TULP4: variants seen among roughly 807,000 people sequenced by gnomAD.
TULP4 encodes the protein TUB like protein 4, also known as tubby-related protein 4.
TULP4 carries 16 observed loss-of-function variants against 129.0 expected under a neutral mutation model. The observed-to-expected ratio is 0.12, with a 90% confidence interval of 0.08 to 0.19. The LOEUF (loss-of-function observed/expected upper bound fraction) is 0.19. Ranked by LOEUF, TULP4 falls within the 10% of genes least tolerant of loss-of-function variation. TULP4 has a pLI of 1.00. For missense variants in TULP4, 1,842 were observed against 2,059.1 expected (o/e 0.89, Z 2.04); for synonymous variants, 998 against 854.0 (o/e 1.17, Z -2.94).
chr6:158,503,175 C>T lies in TULP4; in HGVS notation c.3512C>T (p.Pro1171Leu), dbSNP rs182840540. 2.5e-6 allele frequency: 4 copies of T among 1,613,772 alleles called. No individual in the cohort carries two copies. Among genetic ancestry groups the T allele is most frequent in the African/African-American group, 1.3e-5 (1 of 75,010 alleles). ...LDVSRLPFIS[P>L]KSPASPTATF... ...GTGTCCCGACTGCCCTTCATCTCCC[C>T]CAAGTCTCCTGCCAGCCCCACTGCC... The change falls in exon 13 of 14, where the codon CCC becomes CTC. Residue 1171 changes from proline (P) to leucine (L), a missense_variant. By Grantham distance (98) the Pro-to-Leu change is moderately conservative. This residue lies in a region of TULP4 where 1,089 missense variants were observed against 987.1 expected (regional missense o/e 1.10). Coordinates refer to ENST00000367097, the MANE Select transcript of TULP4 (RefSeq NM_020245.5). The surrounding 1 kb of genome is among the most constrained non-coding windows in gnomAD (Gnocchi z 4.3).
intron 1 of TULP4, among the ~76,000 whole-genome samples, chr6:158,338,249 T>G (rs1200984019): frequency 6.6e-6 from 1 of 152,170 alleles, no homozygotes; most frequent in Non-Finnish European, 1.5e-5. Flanking sequence ...AGTAATCCTC[T>G]TCCAAAGTGC....
intron 1 of TULP4, among the ~76,000 whole-genome samples, chr6:158,396,361 A>T (rs907860763): frequency 5.9e-5 from 9 of 152,204 alleles, no homozygotes; most frequent in Admixed American, 2.0e-4. Context: ...TCAGTCAGGC[A>T]ATGAAGAAAT....
chr6:158,470,235 G>T (rs1779648038), intron 6 of TULP4, among the ~76,000 whole-genome samples: 1 of 152,220 alleles, frequency 6.6e-6, no homozygotes, highest in Non-Finnish European at 1.5e-5. Context: ...TCAGCGGCGG[G>T]TCTGCGACGG....
chr6:158,412,516 C>A lies in TULP4; in HGVS notation c.253-549C>A, dbSNP rs183788670. ...AGCTTATAATTTCTTGTTATTTCCT[C>A]TGTGATAAATCGTAAACAACTTAGA... On this transcript the variant is annotated intron_variant, in intron 1 of 13. Transcript: ENST00000367097. Among the ~76,000 whole-genome samples, 76 of 146,544 alleles carry A rather than the reference C, an allele frequency of 5.2e-4. 1 individual carries two copies. Among genetic ancestry groups the A allele is most frequent in the African/African-American group, 1.9e-3 (72 of 38,598 alleles).
At chr6:158,236,571 A>T (rs1186536381) in intron 1 of TULP4, among the ~76,000 whole-genome samples, 2 of 151,688 alleles carry the variant, frequency 1.3e-5, no homozygotes, top group African/African-American at 4.8e-5. Context: ...ATATTTTGGA[A>T]TGCTCAGAAG....
chr6:158,291,410 C>T (rs961942231), intron 1 of TULP4, among the ~76,000 whole-genome samples: 1 of 152,190 alleles, frequency 6.6e-6, no homozygotes, highest in Non-Finnish European at 1.5e-5. Context: ...TCTCTGTCAT[C>T]TAATTGTCAT....
chr6:158,349,799 G>C (rs1212592215), intron 1 of TULP4, among the ~76,000 whole-genome samples: 1 of 138,726 alleles, frequency 7.2e-6, no homozygotes, highest in Admixed American at 7.2e-5. Context: ...CGGGGCGGCC[G>C]GGCAGAGGCG....
chr6:158,466,028 G>T (rs1044925348), intron 6 of TULP4, among the ~76,000 whole-genome samples: 1 of 152,224 alleles, frequency 6.6e-6, no homozygotes, highest in African/African-American at 2.4e-5. Flanking sequence ...ATGGCTCAAG[G>T]CTTGCCTTGC....
chr6:158,373,424 G>A (rs1040258910), intron 1 of TULP4, among the ~76,000 whole-genome samples: 3 of 152,138 alleles, frequency 2.0e-5, no homozygotes, highest in African/African-American at 7.2e-5. Context: ...AGAAGCCAAC[G>A]TGACTGCTGC....
At chr6:158,343,789 A>T (rs1291169390) in intron 1 of TULP4, among the ~76,000 whole-genome samples, 1 of 152,256 alleles carries the variant, frequency 6.6e-6, no homozygotes, top group African/African-American at 2.4e-5. Flanking sequence ...AAATACTTTT[A>T]AAAAATCTAT....
At chr6:158,418,087 TTG>T (rs199802918) in intron 2 of TULP4, among the ~76,000 whole-genome samples, 5 of 149,348 alleles carry the variant, frequency 3.3e-5, no homozygotes, top group African/African-American at 4.9e-5. Context: ...TTCTGCCTTT[TTG>T]TGTGTGTGTG....
At chr6:158,239,974 C>T (rs1187211364) in intron 1 of TULP4, among the ~76,000 whole-genome samples, 1 of 84,358 alleles carries the variant, frequency 1.2e-5, no homozygotes, top group Non-Finnish European at 2.7e-5. Flanking sequence ...CCGGACGGGG[C>T]GGCTGGCTGG....
At chr6:158,255,885 T>C (rs542842016) in intron 1 of TULP4, among the ~76,000 whole-genome samples, 1 of 152,324 alleles carries the variant, frequency 6.6e-6, no homozygotes, top group South Asian at 2.1e-4. Context: ...GCAGAATTGA[T>C]CTAGTCAGAA....
At chr6:158,489,502 T>C (rs1229376758) in intron 8 of TULP4, 86 bp from the exon 9 acceptor site, 14 of 1,525,638 alleles carry the variant, frequency 9.2e-6, no homozygotes, top group Middle Eastern at 2.2e-4. Context: ...GTGGAGTCCG[T>C]CTGTCTTTTA....
At chr6:158,341,109 G>A (rs1444720937) in intron 1 of TULP4, among the ~76,000 whole-genome samples, 3 of 151,940 alleles carry the variant, frequency 2.0e-5, no homozygotes, top group Non-Finnish European at 4.4e-5. Flanking sequence ...CCAGCTTCTG[G>A]TAACTGTCAT....
intron 3 of TULP4, among the ~76,000 whole-genome samples, chr6:158,437,134 T>A (rs574548706): frequency 1.6e-4 from 24 of 152,344 alleles, no homozygotes; most frequent in African/African-American, 5.8e-4. Context: ...TTCATATACA[T>A]GTTTTGCAAG....
chr6:158,329,404 T>G (rs1228578798), intron 1 of TULP4, among the ~76,000 whole-genome samples: 1 of 151,810 alleles, frequency 6.6e-6, no homozygotes, highest in Non-Finnish European at 1.5e-5. Flanking sequence ...AGCTCTGTTC[T>G]TTCTTTGCTG....
At chr6:158,343,192 C>T (rs1780223388) in intron 1 of TULP4, among the ~76,000 whole-genome samples, 1 of 152,074 alleles carries the variant, frequency 6.6e-6, no homozygotes, top group South Asian at 2.1e-4. Context: ...GGGGCTTTGA[C>T]TCCACAGGGG....
intron 3 of TULP4, among the ~76,000 whole-genome samples, chr6:158,433,970 G>A (rs1021806413): frequency 2.0e-5 from 3 of 152,212 alleles, no homozygotes; most frequent in African/African-American, 7.2e-5. Flanking sequence ...AGAAGTCCAA[G>A]ATCAAGGTGT....
Sources: gnomAD v4.1 joint callset for allele counts (sites outside exome capture counted in the v4.1 genomes callset) on GRCh38, gnomAD v4.1.1 for gene constraint, gnomAD v4.1.1 regional missense constraint, Gnocchi (gnomAD v3.1) non-coding constraint, MANE v1.5 for transcripts, NCBI Gene and HGNC (gene_info 2026-07-23, HGNC 2026-07-21) for gene names.